Variants in TMIE observed in about 807,000 individuals in gnomAD.
TMIE encodes transmembrane inner ear, also known as transmembrane inner ear expressed protein.
In TMIE, 14 loss-of-function variants were observed where a neutral mutation model predicts 16.8. The ratio of observed to expected loss-of-function variants is 0.83; its 90% CI spans 0.55 to 1.30. The LOEUF is 1.30. TMIE is among the 50% of genes most tolerant of loss of function. The probability of loss-of-function intolerance (pLI) is 0.00; values close to 1 mark genes in which losing one functional copy is unlikely to be tolerated. For missense variants in TMIE, 204 were observed against 205.9 expected (o/e 0.99, Z 0.06); for synonymous variants, 75 against 87.2 (o/e 0.86, Z 0.78).
Position 46,709,576 on chromosome 3 carries a change from C to G in TMIE, c.362-3C>G. ...CACATGGTCTCTTCCCCCTGCCCCA[C>G]AGAGGATAAGAAGAAGAAGAAGAAG... On this transcript the variant is annotated splice_region_variant and splice_polypyrimidine_tract_variant and intron_variant, in intron 3 of 3. Transcript: ENST00000643606. The G allele has an allele frequency of 6.4e-7, 1 of 1,569,388 alleles. No individual in the cohort carries two copies. Among genetic ancestry groups the G allele is most frequent in the Non-Finnish European group, 8.6e-7 (1 of 1,165,654 alleles).
chr3:46,699,218 A>G (rs1419570702), upstream of TMIE, among the ~76,000 whole-genome samples: 1 of 151,934 alleles, frequency 6.6e-6, no homozygotes, highest in African/African-American at 2.4e-5. Flanking sequence ...GGTTACAGGC[A>G]TGTGCCACCT....
upstream of TMIE, among the ~76,000 whole-genome samples, chr3:46,699,986 C>T (rs1433248467): frequency 2.6e-5 from 4 of 152,258 alleles, no homozygotes; most frequent in South Asian, 2.1e-4. Context: ...TGTCCAGCCT[C>T]CCTGACCCCA....
intron 1 of TMIE, among the ~76,000 whole-genome samples, chr3:46,704,488 T>TGCCCAGGGCAGGACCGTGTCCCCTAGAC (rs1559496024): frequency 1.3e-4 from 16 of 122,800 alleles, no homozygotes; most frequent in African/African-American, 4.5e-4. Flanking sequence ...TGTCCCTAGA[T>TGCCCAGGGCAGGACCGTGTCCCCTAGAC]GCCCAGGGCA....
At chr3:46,697,040 C>G (rs1575466504), upstream of TMIE, among the ~76,000 whole-genome samples, 4 of 152,084 alleles carry the variant, frequency 2.6e-5, no homozygotes, top group Admixed American at 2.6e-4. Flanking sequence ...TCCTGTGTGA[C>G]CTTAGGCAGG....
At chr3:46,697,320 C>T (rs1700419783), upstream of TMIE, among the ~76,000 whole-genome samples, 1 of 152,204 alleles carries the variant, frequency 6.6e-6, no homozygotes, top group Non-Finnish European at 1.5e-5. Context: ...CCACACCTTT[C>T]TGATTGCGAG....
At chr3:46,694,130 G>T (rs930690661), upstream of TMIE, among the ~76,000 whole-genome samples, 4 of 152,194 alleles carry the variant, frequency 2.6e-5, no homozygotes, top group Admixed American at 2.6e-4. Flanking sequence ...GCGGAGCGCT[G>T]TGTGGGTTCG....
At chr3:46,696,869 G>C (rs892789232), upstream of TMIE, among the ~76,000 whole-genome samples, 1 of 152,296 alleles carries the variant, frequency 6.6e-6, no homozygotes, top group African/African-American at 2.4e-5. Flanking sequence ...AGGGAGCAAG[G>C]GTGGGGGACT....
chr3:46,707,198 A>T (rs1334528962), intron 2 of TMIE, among the ~76,000 whole-genome samples: 1 of 152,218 alleles, frequency 6.6e-6, no homozygotes, highest in Admixed American at 6.5e-5. Context: ...CTCGGGGGTC[A>T]TCTGCCCTAC....
upstream of TMIE, among the ~76,000 whole-genome samples, chr3:46,697,470 T>C (rs187126779): frequency 1.3e-4 from 20 of 152,126 alleles, no homozygotes; most frequent in Non-Finnish European, 2.1e-4. Flanking sequence ...CTGGGTGGCA[T>C]GCCCAGGAGG....
chr3:46,706,764 G>C (rs1353604197), intron 2 of TMIE, among the ~76,000 whole-genome samples: 1 of 152,228 alleles, frequency 6.6e-6, no homozygotes, highest in Non-Finnish European at 1.5e-5. Flanking sequence ...CGGGAGAGGG[G>C]ATGTGAGCAG....
Position 46,709,577 on chromosome 3 carries a change from A to G in TMIE, c.362-2A>G, listed in dbSNP as rs1180780309. 1.7e-5 allele frequency: 27 copies of G among 1,558,704 alleles called. No individual in the cohort carries two copies. Among genetic ancestry groups the G allele is most frequent in the Non-Finnish European group, 2.2e-5 (26 of 1,161,182 alleles). On this transcript the variant is annotated splice_acceptor_variant, in intron 3 of 3. Transcript: ENST00000643606. LOFTEE classifies it high-confidence loss of function. Reference sequence around the variant, plus strand: ...ACATGGTCTCTTCCCCCTGCCCCACAGAGGATAAGAAGAAGAAGAAGAAGA... The same window carrying G: ...ACATGGTCTCTTCCCCCTGCCCCACGGAGGATAAGAAGAAGAAGAAGAAGA...
intron 1 of TMIE, among the ~76,000 whole-genome samples, chr3:46,704,525 C>A (rs1000156454): frequency 2.3e-5 from 3 of 130,156 alleles, no homozygotes; most frequent in Admixed American, 1.6e-4. Flanking sequence ...ACGCCCAGGG[C>A]AGGACCGTGT....
Position 46,709,150 on chromosome 3 carries a change from A to C in TMIE, c.236A>C (p.Asn79Thr). ...GTCATCACGCTGTGCTGTGTCTTCA[A>C]CTGTCGTGTGCCACGGACCCGGAAG... ...SIIITLCCVF[N>T]CRVPRTRKEI... The change falls in exon 3 of 4, where the codon AAC (asparagine) becomes ACC (threonine). Residue 79 changes from asparagine to threonine, a missense_variant. Coordinates refer to ENST00000643606, the MANE Select transcript of TMIE (RefSeq NM_147196.3). 6.2e-7 allele frequency: 1 copy of C among 1,614,116 alleles called. No homozygotes were observed. Among genetic ancestry groups the C allele is most frequent in the South Asian group, 1.1e-5 (1 of 91,082 alleles).
intron 2 of TMIE, 58 bp from the exon 3 acceptor site, chr3:46,709,068 C>A (rs1700588133): frequency 6.2e-7 from 1 of 1,605,816 alleles, no homozygotes; most frequent in African/African-American, 1.3e-5. Flanking sequence ...AAGGCGGATG[C>A]CATTCCTTGG....
At chr3:46,695,949 C>T (rs1221930788) in intron 1 of TMIE, among the ~76,000 whole-genome samples, 1 of 152,210 alleles carries the variant, frequency 6.6e-6, no homozygotes, top group African/African-American at 2.4e-5. Flanking sequence ...ACAGCTCATT[C>T]TTGGCTTGGG....
At chr3:46,701,040 C>T (rs879725808), upstream of TMIE, among the ~76,000 whole-genome samples, 1 of 151,840 alleles carries the variant, frequency 6.6e-6, no homozygotes, top group Non-Finnish European at 1.5e-5. This position sits in a 1 kb window ranked among gnomAD's most constrained non-coding sequence, Gnocchi z 4.3. Flanking sequence ...TGCCCCCCCC[C>T]CAAACTCAAA....
chr3:46,707,548 C>G (rs1004785180), intron 2 of TMIE, among the ~76,000 whole-genome samples: 4 of 152,170 alleles, frequency 2.6e-5, no homozygotes, highest in Non-Finnish European at 5.9e-5. Context: ...CAAAGCCCTG[C>G]AGGAAAAGGG....
intron 1 of TMIE, 65 bp from the exon 2 acceptor site, chr3:46,705,725 C>T (rs1575469293): frequency 7.2e-7 from 1 of 1,397,414 alleles, no homozygotes; most frequent in Non-Finnish European, 1.0e-6. Flanking sequence ...AGACCTGGGC[C>T]CTTCTCAGCT....
intron 1 of TMIE, among the ~76,000 whole-genome samples, chr3:46,702,050 C>A (rs1700483685): frequency 6.6e-6 from 1 of 152,094 alleles, no homozygotes; most frequent in Admixed American, 6.5e-5. Flanking sequence ...TCCAGGGACC[C>A]CTGTCTAATG....
Sources: gnomAD v4.1 joint callset for allele counts (sites outside exome capture counted in the v4.1 genomes callset) on GRCh38, gnomAD v4.1.1 for gene constraint, Gnocchi (gnomAD v3.1) non-coding constraint, MANE v1.5 for transcripts, NCBI Gene and HGNC (gene_info 2026-07-23, HGNC 2026-07-21) for gene names.